Variants in UBAC1 observed in about 807,000 individuals in gnomAD.
UBAC1 encodes UBA domain containing 1, also known as ubiquitin-associated domain-containing protein 1.
In UBAC1, 27 loss-of-function variants were observed where a neutral mutation model predicts 45.9. The ratio of observed to expected loss-of-function variants is 0.59; its 90% CI spans 0.43 to 0.81. The LOEUF (loss-of-function observed/expected upper bound fraction) is 0.81, where lower values mean the gene tolerates loss of function less well. Ranked by LOEUF, UBAC1 falls within the 30% of genes least tolerant of loss-of-function variation. The pLI is 0.00. For missense variants in UBAC1, 529 were observed against 539.2 expected (o/e 0.98, Z 0.19); for synonymous variants, 227 against 215.5 (o/e 1.05, Z -0.47).
At chr9:135,945,707 TTC>T in intron 6 of UBAC1, 180 bp downstream of exon 6, 1 of 598,702 alleles carries the variant, frequency 1.7e-6, no homozygotes, top group Non-Finnish European at 3.0e-6. Context: ...ACAACGACTG[TTC>T]TGTCACATTC....
chr9:135,933,533 C>T lies in UBAC1; in HGVS notation c.1103-18G>A. 1 of 1,599,608 alleles carries T rather than the reference C, an allele frequency of 6.3e-7. No individual in the cohort carries two copies. Among genetic ancestry groups the T allele is most frequent in the Non-Finnish European group, 8.6e-7 (1 of 1,167,128 alleles). ...TTCAAATGCTGCAGGGAAAACAGAG[C>T]CAGCCTGAGTGCCCACGCCCCCACT... is the stretch of plus-strand genomic sequence containing the variant. On this transcript the variant is annotated intron_variant, in intron 9 of 9. Coordinates refer to ENST00000371756, the MANE Select transcript of UBAC1 (RefSeq NM_016172.3).
At chr9:135,956,489 C>T (rs1047045036) in intron 1 of UBAC1, among the ~76,000 whole-genome samples, 1 of 152,124 alleles carries the variant, frequency 6.6e-6, no homozygotes, top group African/African-American at 2.4e-5. Flanking sequence ...AGACTGAGGT[C>T]GGCACATGTG....
At chr9:135,960,249 T>A (rs1213040991) in intron 1 of UBAC1, among the ~76,000 whole-genome samples, 1 of 152,036 alleles carries the variant, frequency 6.6e-6, no homozygotes, top group Non-Finnish European at 1.5e-5. Flanking sequence ...CCTTACTGAG[T>A]CCTTTAGAGA....
At chr9:135,943,611 T>C (rs1839293713) in intron 7 of UBAC1, among the ~76,000 whole-genome samples, 2 of 152,156 alleles carry the variant, frequency 1.3e-5, no homozygotes, top group South Asian at 2.1e-4. Context: ...ACTGGGTATA[T>C]ACCCAAAGGA....
At position 135,933,417 on chromosome 9, in the gene UBAC1, T is replaced by C; in HGVS notation, c.1201A>G (p.Thr401Ala). 6.2e-7 allele frequency: 1 copy of C among 1,614,096 alleles called. No individual in the cohort carries two copies. The stretch of plus-strand genomic sequence containing the variant: ...AACGCCACCTACGTGCGATTTAGTG[T>C]CTGGAAGATTCTAGAGATCTGCAGC... ...VMLQISRIFQTLNRT is the reference protein window; with the variant it reads ...VMLQISRIFQALNRT The change falls in exon 10 of 10, where the codon ACA (threonine) becomes GCA (alanine). Residue 401 changes from threonine (T) to alanine (A), a missense_variant. Thr to Ala is a moderately conservative substitution (Grantham distance 58). Coordinates refer to ENST00000371756, the MANE Select transcript of UBAC1 (RefSeq NM_016172.3).
At chr9:135,936,940 C>A (rs1839208470) in intron 9 of UBAC1, among the ~76,000 whole-genome samples, 1 of 152,228 alleles carries the variant, frequency 6.6e-6, no homozygotes, top group South Asian at 2.1e-4. Flanking sequence ...GGAAAAGGGT[C>A]AGCATCCAGG....
chr9:135,949,376 T>C (rs961018084), intron 3 of UBAC1, among the ~76,000 whole-genome samples: 2 of 152,134 alleles, frequency 1.3e-5, no homozygotes, highest in Non-Finnish European at 2.9e-5. Flanking sequence ...CAGGACTAAA[T>C]TTCCCAGAAC....
intron 1 of UBAC1, among the ~76,000 whole-genome samples, chr9:135,959,858 C>A (rs141840977): frequency 2.6e-5 from 4 of 152,256 alleles, no homozygotes; most frequent in Admixed American, 1.3e-4. Context: ...GGCCCTTGAA[C>A]GCAGGAGGCT....
chr9:135,956,609 C>T (rs931397980), intron 1 of UBAC1, among the ~76,000 whole-genome samples: 4 of 152,258 alleles, frequency 2.6e-5, no homozygotes, highest in African/African-American at 7.2e-5. Flanking sequence ...CACCACCGCA[C>T]AGCACAGCAC....
intron 1 of UBAC1, among the ~76,000 whole-genome samples, chr9:135,957,106 C>G (rs150333448): frequency 0.019 from 2,933 of 152,324 alleles, 40 homozygotes; most frequent in Non-Finnish European, 0.023. Flanking sequence ...CTTCACCTCT[C>G]AACACTGGCA....
chr9:135,956,678 C>T lies in UBAC1; in HGVS notation c.139-1263G>A, dbSNP rs143326917. Among the ~76,000 whole-genome samples the T allele has an allele frequency of 7.4e-3, 1,129 of 152,252 alleles. 23 individuals are homozygous for T. The highest frequency in any genetic ancestry group is 6.3e-3 in the Admixed American group (97 of 15,296). ...AATATGGCGCCTCCCCAGCCGGAAT[C>T]GTGGGGTGAGAGGAGAGGGGCTGCA... is the stretch of plus-strand genomic sequence containing the variant. On this transcript the variant is annotated intron_variant, in intron 1 of 9. Coordinates refer to ENST00000371756, the MANE Select transcript of UBAC1 (RefSeq NM_016172.3).
At chr9:135,949,633 C>T (rs559483972) in intron 3 of UBAC1, among the ~76,000 whole-genome samples, 9 of 152,356 alleles carry the variant, frequency 5.9e-5, no homozygotes, top group African/African-American at 2.2e-4. Context: ...AGACAGTTTC[C>T]CCTCCTGGCA....
intron 9 of UBAC1, among the ~76,000 whole-genome samples, chr9:135,938,018 G>T (rs368066357): frequency 3.4e-4 from 51 of 152,214 alleles, no homozygotes; most frequent in African/African-American, 1.2e-3. Context: ...GTCACACCAC[G>T]ATCAGAACCT....
chr9:135,948,062 C>A (rs991879735), intron 3 of UBAC1, 157 bp from the exon 4 acceptor site: 22 of 636,550 alleles, frequency 3.5e-5, no homozygotes, highest in South Asian at 2.2e-4. Flanking sequence ...CTGGAGAGTT[C>A]TGTGCAAGGC....
chr9:135,941,961 G>A (rs1245387095), intron 7 of UBAC1, among the ~76,000 whole-genome samples: 1 of 152,234 alleles, frequency 6.6e-6, no homozygotes, highest in Non-Finnish European at 1.5e-5. Flanking sequence ...CTGATGGGCT[G>A]GCCCCTCAAG....
intron 7 of UBAC1, among the ~76,000 whole-genome samples, chr9:135,941,293 C>T (rs1839266524): frequency 6.6e-6 from 1 of 152,160 alleles, no homozygotes; most frequent in Non-Finnish European, 1.5e-5. Flanking sequence ...GTAATCCCAG[C>T]TACTCGGGAG....
At chr9:135,935,081 G>C (rs934213340) in intron 9 of UBAC1, among the ~76,000 whole-genome samples, 1 of 152,054 alleles carries the variant, frequency 6.6e-6, no homozygotes, top group Non-Finnish European at 1.5e-5. Flanking sequence ...TTTTTTAGTA[G>C]AGAGGAGGTC....
Position 135,945,954 on chromosome 9 carries a change from G to A in UBAC1, c.588C>T (p.Ala196=). 1 of 1,614,026 alleles carries A rather than the reference G, an allele frequency of 6.2e-7. No homozygotes were observed. Among genetic ancestry groups the A allele is most frequent in the South Asian group, 1.1e-5 (1 of 91,086 alleles). ...AGCCCATCTCCGTGAGCTGCCGCAG[G>A]GCAGCCTCGTCCACACGCTCATCCT... is the stretch of plus-strand genomic sequence containing the variant. ...EDEDERVDEA[A]LRQLTEMGFP... is the part of the protein sequence containing the mutation. Residue 196 remains alanine, a synonymous_variant, in exon 6 of 10, where the codon GCC becomes GCT. Coordinates refer to ENST00000371756, the MANE Select transcript of UBAC1 (RefSeq NM_016172.3).
At chr9:135,953,600 G>A (rs543668232) in intron 3 of UBAC1, 80 bp downstream of exon 3, 59 of 1,309,702 alleles carry the variant, frequency 4.5e-5, no homozygotes, top group Admixed American at 9.5e-5. Context: ...TTACAGGCGC[G>A]AGCCACTGTA....
Sources: gnomAD v4.1 joint callset for allele counts (sites outside exome capture counted in the v4.1 genomes callset) on GRCh38, gnomAD v4.1.1 for gene constraint, MANE v1.5 for transcripts, NCBI Gene and HGNC (gene_info 2026-07-23, HGNC 2026-07-21) for gene names.